Variants in RHPN1 observed in about 807,000 individuals in gnomAD.
RHPN1 encodes rhophilin Rho GTPase binding protein 1.
A neutral mutation model predicts 74.7 loss-of-function variants in RHPN1; 77 were observed. The observed-to-expected ratio is 1.03, with a 90% confidence interval of 0.86 to 1.25. The LOEUF (loss-of-function observed/expected upper bound fraction) is 1.25. Ranked by LOEUF, RHPN1 falls within the 50% of genes most tolerant of loss-of-function variation. RHPN1 has a pLI of 0.00. For synonymous variants in RHPN1, 444 were observed against 414.5 expected (o/e 1.07, Z -0.87); for missense variants, 987 against 932.2 (o/e 1.06, Z -0.77).
upstream of RHPN1, among the ~76,000 whole-genome samples, chr8:143,366,093 G>A (rs1461039194): frequency 2.0e-5 from 3 of 151,558 alleles, no homozygotes; most frequent in Non-Finnish European, 4.4e-5. Flanking sequence ...GAGCTCAGAA[G>A]TTCAAGACCA....
intron 1 of RHPN1, among the ~76,000 whole-genome samples, chr8:143,369,512 G>T (rs1479885726): frequency 2.0e-5 from 3 of 152,222 alleles, no homozygotes; most frequent in Admixed American, 6.5e-5. Flanking sequence ...ACCGAGAGAG[G>T]TCTTCCCGGC....
At chr8:143,379,148 C>T in intron 7 of RHPN1, 70 bp downstream of exon 7, 1 of 1,429,300 alleles carries the variant, frequency 7.0e-7, no homozygotes, top group Non-Finnish European at 9.2e-7. Flanking sequence ...TTTTGCAGGG[C>T]AGGAGCTGGG....
intron 14 of RHPN1, 122 bp from the exon 15 acceptor site, chr8:143,382,314 G>A: frequency 1.2e-6 from 1 of 840,036 alleles, no homozygotes; most frequent in Non-Finnish European, 1.9e-6. Context: ...CCTGATGGGA[G>A]CCCCCAAACA....
rs748717810 is a variant in RHPN1, at chr8:143,368,949, G to A, written c.-39G>A. The A allele has an allele frequency of 1.1e-4, 159 of 1,439,782 alleles. No homozygotes were observed. The highest frequency in any genetic ancestry group is 1.4e-4 in the Non-Finnish European group (155 of 1,100,958). 89.2% of individuals were successfully genotyped at this position (1,439,782 alleles called of 1,614,324 possible). On this transcript the variant is annotated 5_prime_UTR_variant, in exon 1 of 15. Coordinates refer to ENST00000289013, the MANE Select transcript of RHPN1 (RefSeq NM_052924.3). The stretch of plus-strand genomic sequence containing the variant: ...CGGAGCGCTGCGCGAGCGGCGGGCT[G>A]GCTGACCCCGAGGGACCCCCAGCGC...
chr8:143,369,008 G>T lies in RHPN1; in HGVS notation c.21G>T (p.Pro7=). The change falls in exon 1 of 15, where the codon CCG becomes CCT. Residue 7 remains proline (P), a synonymous_variant. Coordinates refer to ENST00000289013, the MANE Select transcript of RHPN1 (RefSeq NM_052924.3). ...CGGCGATGATCCTGGAGGAGAGGCC[G>T]GACGGCGCGGGCGCCGGCGAGGAGA... MILEER[P]DGAGAGEESP... 6.7e-7 allele frequency: 1 copy of T among 1,495,720 alleles called. No homozygotes were observed. The highest frequency in any genetic ancestry group is 8.8e-7 in the Non-Finnish European group (1 of 1,130,346). 92.7% of individuals were successfully genotyped at this position (1,495,720 alleles called of 1,614,324 possible). A position where few individuals can be genotyped will look rare whatever the true frequency, so the allele number is the denominator to read the frequency against.
At chr8:143,368,052 G>C (rs890188761), upstream of RHPN1, 1 of 153,352 alleles carries the variant, frequency 6.5e-6, no homozygotes, top group African/African-American at 2.4e-5. Flanking sequence ...TCTGAAAATA[G>C]GTCAGTCCAG....
intron 1 of RHPN1, among the ~76,000 whole-genome samples, chr8:143,372,374 C>T (rs1347398055): frequency 6.6e-6 from 1 of 152,170 alleles, no homozygotes; most frequent in Non-Finnish European, 1.5e-5. Context: ...GCCCCTCTCC[C>T]ACCTGTGGGC....
chr8:143,378,356 T>TCGGGGGGGGC lies in RHPN1; in HGVS notation c.459+11_459+12insGGGGGGGGCC. ...GGAGGCCCTGCGGCAGGTGTGTGGT[T>TCGGGGGGGGC]CCCCCGCCCACCCACCCTCCTGCAG... is the stretch of plus-strand genomic sequence containing the variant. On this transcript the variant is annotated intron_variant, in intron 5 of 14. Coordinates refer to ENST00000289013, the MANE Select transcript of RHPN1 (RefSeq NM_052924.3). The TCGGGGGGGGC allele has an allele frequency of 6.6e-7, 1 of 1,525,422 alleles. No individual in the cohort carries two copies. The highest frequency in any genetic ancestry group is 8.8e-7 in the Non-Finnish European group (1 of 1,136,332). The allele number at this position is 1,525,422 out of a possible 1,614,324, so 94.5% of individuals were successfully genotyped here.
chr8:143,376,476 T>C, intron 2 of RHPN1, 49 bp from the exon 3 acceptor site: 1 of 1,601,840 alleles, frequency 6.2e-7, no homozygotes, highest in Non-Finnish European at 8.5e-7. Context: ...GCACGGGGCC[T>C]TTGGCTCTGC....
rs1818917951 is a variant in RHPN1 at position 143,384,111 on chromosome 8, G to A, written c.*1460G>A. ...CTGCCTGAGCCGGGGTGGGGGTCCA[G>A]GTCCCCCACTTGCCCTTGTGGGAAA... On this transcript the variant is annotated 3_prime_UTR_variant, in exon 15 of 15. Coordinates refer to ENST00000289013, the MANE Select transcript of RHPN1 (RefSeq NM_052924.3). 6.6e-6 allele frequency: 1 copy of A among 152,212 alleles called. No individual in the cohort carries two copies. The highest frequency in any genetic ancestry group is 2.4e-5 in the African/African-American group (1 of 41,460). The allele number at this position is 152,212 out of a possible 1,614,324, so 9.4% of individuals were successfully genotyped here. A position where few individuals can be genotyped will look rare whatever the true frequency, so the allele number is the denominator to read the frequency against.
At position 143,373,991 on chromosome 8, in the gene RHPN1, C is replaced by T. The variant is rs925652329; in HGVS notation, c.61-1562C>T. The T allele has an allele frequency of 2.4e-5, 8 of 339,464 alleles. No individual in the cohort carries two copies. The South Asian group carries it at 3.5e-4, about 15-fold the overall frequency. 21.0% of individuals were successfully genotyped at this position (339,464 alleles called of 1,614,324 possible). A position where few individuals can be genotyped will look rare whatever the true frequency, so the allele number is the denominator to read the frequency against. On this transcript the variant is annotated intron_variant, in intron 1 of 14. Transcript: ENST00000289013. ...AATTCACCCATAATAGATGGTCACC[C>T]GCTCAGCTGGCTGCTGTGATTTTGG...
At chr8:143,368,615 G>C (rs571944433), upstream of RHPN1, 3 of 166,202 alleles carry the variant, frequency 1.8e-5, no homozygotes, top group African/African-American at 4.7e-5. Flanking sequence ...AGCGGCCGCC[G>C]CGGCGCATGC....
In RHPN1 at chr8:143,377,396, C is replaced by T. The variant is rs1818353936; in HGVS notation, c.322C>T (p.Pro108Ser). 6.2e-7 allele frequency: 1 copy of T among 1,613,186 alleles called. No homozygotes were observed. The highest frequency in any genetic ancestry group is 1.3e-5 in the African/African-American group (1 of 74,888). ...TGGTTACAGCGAAGCTGTCACTGTC[C>T]CCATGATCCCCCTGGGCCTGAAGGA... is the stretch of plus-strand genomic sequence containing the variant. ...GRHGSEAVTVPMIPLGLKETK... is the reference protein window; with the variant it reads ...GRHGSEAVTVSMIPLGLKETK... Residue 108 changes from proline (P) to serine (S), a missense_variant, in exon 4 of 15, where the codon CCC becomes TCC. Transcript: ENST00000289013.
chr8:143,378,479 G>T, intron 5 of RHPN1, 133 bp downstream of exon 5: 1 of 997,106 alleles, frequency 1.0e-6, no homozygotes, highest in Non-Finnish European at 1.5e-6. Context: ...GGCGCACCAG[G>T]GGCCCTGTGT....
chr8:143,380,768 G>A lies in RHPN1; in HGVS notation c.1396G>A (p.Ala466Thr), dbSNP rs1369720649. 5.1e-6 allele frequency: 8 copies of A among 1,577,962 alleles called. No individual in the cohort carries two copies. The highest frequency in any genetic ancestry group is 6.0e-6 in the Non-Finnish European group (7 of 1,160,164). The change falls in exon 11 of 15, where the codon GCC (alanine) becomes ACC (threonine). Residue 466 changes from alanine to threonine, a missense_variant. Coordinates refer to ENST00000289013, the MANE Select transcript of RHPN1 (RefSeq NM_052924.3). ...GGATGACTTCTGTGAGGCTGCCGAGGCCCCGGACATCCAGCGTGAGCAGCC... is the reference window on the plus strand; with the variant it reads ...GGATGACTTCTGTGAGGCTGCCGAGACCCCGGACATCCAGCGTGAGCAGCC... ...REDDFCEAAE[A>T]PDIQPKTHQK... is the part of the protein sequence containing the mutation.
At position 143,380,072 on chromosome 8, in the gene RHPN1, G is replaced by A. The variant is rs751597279; in HGVS notation, c.1113G>A (p.Glu371=). ...CTCTCTGTCCCCCAGCAGCGACCGA[G>A]GGAGAGCTCCCCACGCACGAGCAGG... ...MALCDGSPAT[E]GELPTHEQVF... is the part of the protein sequence containing the mutation. The change falls in exon 10 of 15, where the codon GAG becomes GAA. Residue 371 remains glutamate, a synonymous_variant. Transcript: ENST00000289013. 5.8e-6 allele frequency: 9 copies of A among 1,549,338 alleles called. No homozygotes were observed. In the Admixed American group the frequency reaches 1.8e-4, roughly 30 times the overall value.
At chr8:143,367,205 A>T (rs1237079310), upstream of RHPN1, 1 of 152,188 alleles carries the variant, frequency 6.6e-6, no homozygotes, top group African/African-American at 2.4e-5. Flanking sequence ...AAAGAAAAAA[A>T]AAAGCCGGGT....
Position 143,382,553 on chromosome 8 carries a change from C to A in RHPN1, c.1915C>A (p.Arg639=), listed in dbSNP as rs374961930. The change falls in exon 15 of 15, where the codon CGA becomes AGA. Residue 639 remains arginine, a synonymous_variant. Transcript: ENST00000289013. ...TCCCCGGCCCCTCCTCAACTGGAGC[C>A]GAAAGGCCCAGCAGGGCAAGACTGG... is the stretch of plus-strand genomic sequence containing the variant. ...ASPRPLLNWS[R]KAQQGKTGGC... The A allele has an allele frequency of 3.2e-5, 51 of 1,611,534 alleles. No homozygotes were observed. In the African/African-American group the frequency reaches 5.9e-4, roughly 19 times the overall value.
rs1378248225 is a variant in RHPN1, at chr8:143,381,961, C to T, written c.1790C>T (p.Pro597Leu). 2 of 1,589,874 alleles carry T rather than the reference C, an allele frequency of 1.3e-6. No individual in the cohort carries two copies. The highest frequency in any genetic ancestry group is 1.7e-6 in the Non-Finnish European group (2 of 1,167,514). The part of the protein sequence containing the change: ...VVSLLPSSRL[P>L]SLGDRRPVLL... ...TCGCTGCTGCCCAGCTCTAGACTGC[C>T]CAGCTTGGTGAGCCCCTGGGGCCCC... is the stretch of plus-strand genomic sequence containing the variant. Residue 597 changes from proline to leucine, a missense_variant, in exon 14 of 15, where the codon CCC (proline) becomes CTC (leucine). Coordinates refer to ENST00000289013, the MANE Select transcript of RHPN1 (RefSeq NM_052924.3).
Sources: allele counts gnomAD v4.1 joint callset (sites outside exome capture counted in the v4.1 genomes callset), GRCh38; gene constraint gnomAD v4.1.1; transcripts MANE v1.5; gene names NCBI Gene and HGNC (gene_info 2026-07-23, HGNC 2026-07-21).